The following DIS3L2 variants were observed in gnomAD, a reference collection of about 807,000 sequenced individuals.
The protein encoded by DIS3L2 is DIS3-like exonuclease 2.
In DIS3L2, 34 loss-of-function variants were observed where a neutral mutation model predicts 97.5. The observed-to-expected ratio is 0.35, with a 90% confidence interval of 0.27 to 0.46. DIS3L2 has a LOEUF of 0.46. Among genes scored for constraint, DIS3L2 ranks in the 20% least tolerant of loss-of-function variants. DIS3L2 has a pLI of 1.00. For synonymous variants in DIS3L2, 435 were observed against 445.2 expected (o/e 0.98, Z 0.29); for missense variants, 1,038 against 1,146.0 (o/e 0.91, Z 1.36).
chr2:232,035,199 A>G (rs150377039), intron 5 of DIS3L2, among the ~76,000 whole-genome samples: 1,795 of 152,230 alleles, frequency 0.012, 19 homozygotes, highest in Non-Finnish European at 0.016. Flanking sequence ...GGGTGCATGT[A>G]TATTTAGGAT....
chr2:232,115,686 G>C (rs1416688923), intron 6 of DIS3L2, among the ~76,000 whole-genome samples: 4 of 152,140 alleles, frequency 2.6e-5, no homozygotes, highest in Admixed American at 2.0e-4. Context: ...AAGATCTGAT[G>C]ATTCTATAAG....
At position 232,263,305 on chromosome 2, in the gene DIS3L2, C is replaced by A. The variant is rs777135465; in HGVS notation, c.1524C>A (p.Ile508=). Residue 508 remains isoleucine (I), a synonymous_variant, in exon 13 of 21, where the codon ATC becomes ATA. Coordinates refer to ENST00000325385, the MANE Select transcript of DIS3L2 (RefSeq NM_152383.5). Reference sequence around the variant, plus strand: ...TGATTGAAAGCCCAACTGAGAAAATCCCTGCGAAAGAGCTGCCCCCCATTT... The same window carrying A: ...TGATTGAAAGCCCAACTGAGAAAATACCTGCGAAAGAGCTGCCCCCCATTT... The part of the protein sequence containing the change: ...QSMIESPTEK[I]PAKELPPISP... 6 of 1,614,060 alleles carry A rather than the reference C, an allele frequency of 3.7e-6. No individual in the cohort carries two copies. The East Asian group carries it at 1.1e-4, about 30-fold the overall frequency.
chr2:232,174,187 G>A (rs1305377411), intron 9 of DIS3L2, among the ~76,000 whole-genome samples: 2 of 152,026 alleles, frequency 1.3e-5, no homozygotes, highest in African/African-American at 4.8e-5. Context: ...TGATGCTGTT[G>A]TAAATGAAAT....
rs1348116461 is a variant in DIS3L2 at position 232,225,016 on chromosome 2, A to AG, written c.1205-13512dup. Among the ~76,000 whole-genome samples, 7 of 152,310 alleles carry AG rather than the reference A, an allele frequency of 4.6e-5. No individual in the cohort carries two copies. In the East Asian group the frequency reaches 1.3e-3, roughly 29 times the overall value. Reference sequence around the variant, plus strand: ...AAACACATGAAAATATCTTAAGTCCAGGGGGAAAATGGAGATGAAAACCAC... The same window carrying AG: ...AAACACATGAAAATATCTTAAGTCCAGGGGGGAAAATGGAGATGAAAACCAC... On this transcript the variant is annotated intron_variant, in intron 10 of 20. Transcript: ENST00000325385.
intron 14 of DIS3L2, among the ~76,000 whole-genome samples, chr2:232,321,752 C>T (rs1695443102): frequency 1.3e-5 from 2 of 152,200 alleles, no homozygotes; most frequent in South Asian, 2.1e-4. Flanking sequence ...TGCTTCTGCC[C>T]TCATCCAACT....
At chr2:231,964,689 A>G (rs572779618) in intron 1 of DIS3L2, among the ~76,000 whole-genome samples, 1 of 152,378 alleles carries the variant, frequency 6.6e-6, no homozygotes, top group Non-Finnish European at 1.5e-5. Context: ...ATTTAAAACT[A>G]TAATTTCATT....
At chr2:232,226,434 A>G (rs1198627462) in intron 10 of DIS3L2, among the ~76,000 whole-genome samples, 1 of 152,204 alleles carries the variant, frequency 6.6e-6, no homozygotes, top group Non-Finnish European at 1.5e-5. Flanking sequence ...TAAAATGTAA[A>G]TATTAATAGT....
chr2:232,317,346 C>T (rs937301102), intron 14 of DIS3L2, among the ~76,000 whole-genome samples: 1 of 152,186 alleles, frequency 6.6e-6, no homozygotes, highest in African/African-American at 2.4e-5. Context: ...AGGTGTTCAG[C>T]AGATGCTGGA....
chr2:232,120,721 G>A (rs546612998), intron 6 of DIS3L2, among the ~76,000 whole-genome samples: 1 of 152,210 alleles, frequency 6.6e-6, no homozygotes, highest in East Asian at 1.9e-4. Context: ...ATGTTTCAGA[G>A]GAAACAAAAG....
intron 9 of DIS3L2, among the ~76,000 whole-genome samples, chr2:232,184,521 T>A (rs2106188125): frequency 6.6e-6 from 1 of 152,122 alleles, no homozygotes; most frequent in East Asian, 1.9e-4. Context: ...CGTGGTGGCA[T>A]GTGCCTGTAG....
At chr2:232,227,363 CA>C (rs1692677997) in intron 10 of DIS3L2, among the ~76,000 whole-genome samples, 1 of 152,142 alleles carries the variant, frequency 6.6e-6, no homozygotes, top group Admixed American at 6.5e-5. Context: ...GACCTTGACA[CA>C]AGGTGTCTGA....
chr2:232,329,794 T>TG lies in DIS3L2; in HGVS notation c.1740-19_1740-18insG. ...CCCCAAACCCCAGCGGTCCCTCCCA[T>TG]CCCACCCACCCTCTGCAGGCTCGTG... is the stretch of plus-strand genomic sequence containing the variant. On this transcript the variant is annotated intron_variant, in intron 14 of 20. Transcript: ENST00000325385. 6.2e-6 allele frequency: 1 copy of TG among 161,350 alleles called. No homozygotes were observed. Among genetic ancestry groups the TG allele is most frequent in the Non-Finnish European group, 1.2e-5 (1 of 84,670 alleles). The allele number at this position is 161,350 out of a possible 1,614,324, so 10.0% of individuals were successfully genotyped here. A position where few individuals can be genotyped will look rare whatever the true frequency, so the allele number is the denominator to read the frequency against.
intron 1 of DIS3L2, among the ~76,000 whole-genome samples, chr2:232,007,479 G>C (rs1346587008): frequency 2.6e-5 from 4 of 152,186 alleles, no homozygotes; most frequent in Non-Finnish European, 2.9e-5. Context: ...AGGACTACAG[G>C]TGTGCACCCC....
downstream of DIS3L2, among the ~76,000 whole-genome samples, chr2:232,338,273 A>G (rs1450221677): frequency 6.6e-6 from 1 of 152,044 alleles, no homozygotes; most frequent in Admixed American, 6.5e-5. Flanking sequence ...CCCACGAAGC[A>G]TGGGAGCTGT....
At chr2:232,171,931 A>G (rs971377368) in intron 9 of DIS3L2, among the ~76,000 whole-genome samples, 1 of 152,224 alleles carries the variant, frequency 6.6e-6, no homozygotes, top group Admixed American at 6.5e-5. Context: ...TACTGGCAAA[A>G]GACAATATTT....
intron 4 of DIS3L2, among the ~76,000 whole-genome samples, chr2:232,027,449 C>G (rs530190787): frequency 1.1e-4 from 17 of 152,262 alleles, no homozygotes; most frequent in East Asian, 1.9e-4. Context: ...GTAGGACATA[C>G]AGTGGCTTCC....
intron 13 of DIS3L2, among the ~76,000 whole-genome samples, chr2:232,278,634 T>C (rs901621221): frequency 2.4e-4 from 37 of 152,328 alleles, no homozygotes; most frequent in African/African-American, 8.9e-4. Context: ...CATGTTGTTG[T>C]GTGTATCAGT....
At chr2:232,071,925 AG>A (rs1315024258) in intron 5 of DIS3L2, among the ~76,000 whole-genome samples, 1 of 152,178 alleles carries the variant, frequency 6.6e-6, no homozygotes, top group Non-Finnish European at 1.5e-5. Flanking sequence ...GGAGATTTGT[AG>A]GGTGGTGTCA....
intron 9 of DIS3L2, among the ~76,000 whole-genome samples, chr2:232,182,509 ATGTTGTG>A (rs1356478427): frequency 6.6e-6 from 1 of 151,656 alleles, no homozygotes; most frequent in Non-Finnish European, 1.5e-5. Flanking sequence ...CTGTTACTGG[ATGTTGTG>A]TATTGATATA....
Sources: gnomAD v4.1 joint callset for allele counts (sites outside exome capture counted in the v4.1 genomes callset) on GRCh38, gnomAD v4.1.1 for gene constraint, MANE v1.5 for transcripts, NCBI Gene and HGNC (gene_info 2026-07-23, HGNC 2026-07-21) for gene names.